ZFHX3: variants seen among roughly 807,000 people sequenced by gnomAD.
ZFHX3 encodes the protein zinc finger homeobox 3.
ZFHX3 carries 42 observed loss-of-function variants against 279.1 expected under a neutral mutation model. That is an observed-to-expected ratio of 0.15 (90% CI 0.12 to 0.19). ZFHX3 has a LOEUF of 0.19. Among genes scored for constraint, ZFHX3 ranks in the 10% least tolerant of loss-of-function variants. The pLI is 1.00. For missense variants in ZFHX3, 4,981 were observed against 4,754.0 expected (o/e 1.05, Z -1.40); for synonymous variants, 2,293 against 1,957.8 (o/e 1.17, Z -4.52).
chr16:73,527,953 A>G (rs2019723283), intron 2 of ZFHX3, among the ~76,000 whole-genome samples: 1 of 152,216 alleles, frequency 6.6e-6, no homozygotes, highest in Non-Finnish European at 1.5e-5. Flanking sequence ...GACATAATAG[A>G]TGCTTGTTGT....
intron 5 of ZFHX3, among the ~76,000 whole-genome samples, chr16:73,161,805 T>G (rs1967241669): frequency 6.6e-6 from 1 of 152,184 alleles, no homozygotes; most frequent in South Asian, 2.1e-4. Flanking sequence ...AATCCATAGG[T>G]GGCCTGTTGG....
At chr16:73,289,923 T>G (rs1249496002) in intron 4 of ZFHX3, among the ~76,000 whole-genome samples, 2 of 152,054 alleles carry the variant, frequency 1.3e-5, no homozygotes. Context: ...GATGCCCCCT[T>G]CAGGGGTGCT....
chr16:72,960,231 G>A (rs1046383529), intron 1 of ZFHX3, 37 bp from the exon 2 acceptor site: 16 of 1,458,874 alleles, frequency 1.1e-5, no homozygotes, highest in Admixed American at 2.3e-5. Context: ...AGGGAGAGAG[G>A]GGAAAGAGAG....
chr16:72,878,360 G>A (rs763942935), intron 4 of ZFHX3, among the ~76,000 whole-genome samples: 8 of 152,268 alleles, frequency 5.3e-5, no homozygotes, highest in East Asian at 1.9e-4. Flanking sequence ...TGCCAGTGCC[G>A]GTGACAGGCT....
intron 1 of ZFHX3, among the ~76,000 whole-genome samples, chr16:72,987,271 T>C (rs1412972336): frequency 6.6e-6 from 1 of 152,178 alleles, no homozygotes; most frequent in African/African-American, 2.4e-5. Flanking sequence ...TAAGAATATT[T>C]TACCTGTAAT....
At chr16:73,021,774 T>C (rs531505784) in intron 1 of ZFHX3, among the ~76,000 whole-genome samples, 1 of 138,498 alleles carries the variant, frequency 7.2e-6, no homozygotes, top group Non-Finnish European at 1.5e-5. Context: ...GAGGTTGCAG[T>C]GAGCCAAGAT....
In ZFHX3 at chr16:73,600,240, C is replaced by G. The variant is rs114051700; in HGVS notation, c.-1547+79940G>C. ...GAATGGACTGTTTCTAAAGAAGCAGCATCATCCCTTTCATCCCTGGGAAGA... is the reference window on the plus strand; with the variant it reads ...GAATGGACTGTTTCTAAAGAAGCAGGATCATCCCTTTCATCCCTGGGAAGA... On this transcript the variant is annotated intron_variant, in intron 2 of 17. Transcript: ENST00000641206. Among the ~76,000 whole-genome samples, 999 of 152,238 alleles carry G rather than the reference C, an allele frequency of 6.6e-3. 16 individuals carry two copies. Among genetic ancestry groups the G allele is most frequent in the African/African-American group, 0.023 (962 of 41,524 alleles).
intron 5 of ZFHX3, among the ~76,000 whole-genome samples, chr16:73,171,415 T>C (rs1264539711): frequency 6.8e-6 from 1 of 148,144 alleles, no homozygotes; most frequent in African/African-American, 2.5e-5. Context: ...GTGACTCTTG[T>C]GCCTTGGATA....
At chr16:73,151,559 A>T (rs553835089) in intron 5 of ZFHX3, among the ~76,000 whole-genome samples, 1 of 114,790 alleles carries the variant, frequency 8.7e-6, no homozygotes, top group South Asian at 2.7e-4. Flanking sequence ...TTGATTGGTG[A>T]TACCTGCCCG....
At chr16:73,612,205 A>T (rs75933863) in intron 2 of ZFHX3, among the ~76,000 whole-genome samples, 1 of 150,170 alleles carries the variant, frequency 6.7e-6, no homozygotes, top group African/African-American at 2.4e-5. Flanking sequence ...ACTTGCAATG[A>T]TTTTTTTTTT....
chr16:73,712,612 G>T (rs551319404), intron 1 of ZFHX3, among the ~76,000 whole-genome samples: 2 of 152,292 alleles, frequency 1.3e-5, no homozygotes, highest in Non-Finnish European at 2.9e-5. Flanking sequence ...GCAAGGGCAG[G>T]TGGCCATGTC....
intron 3 of ZFHX3, among the ~76,000 whole-genome samples, chr16:72,897,695 C>T (rs2038932951): frequency 6.6e-6 from 1 of 152,168 alleles, no homozygotes. Flanking sequence ...CCCACTTCAG[C>T]CTCCCAAAGT....
intron 1 of ZFHX3, among the ~76,000 whole-genome samples, chr16:73,855,005 T>C (rs1375859885): frequency 2.6e-5 from 4 of 152,104 alleles, no homozygotes; most frequent in Non-Finnish European, 5.9e-5. Context: ...TCTCCTAGTT[T>C]CTACAATCCC....
chr16:72,836,665 C>T (rs78012083), intron 4 of ZFHX3, among the ~76,000 whole-genome samples: 5,096 of 151,862 alleles, frequency 0.034, 610 homozygotes, highest in East Asian at 0.28. Flanking sequence ...AAAAAAAAAA[C>T]ACCAACCAAC....
At position 72,797,461 on chromosome 16, in the gene ZFHX3, G is replaced by C. The variant is rs375400095; in HGVS notation, c.5221C>G (p.Gln1741Glu). ...QQQQQQQQQQQAQTLAQAQAQ... is the reference protein window; with the variant it reads ...QQQQQQQQQQEAQTLAQAQAQ... ...TGGGCCTGGGCCAGCGTTTGTGCTT[G>C]TTGTTGTTGTTGTTGTTGTTGTTGT... Residue 1741 changes from glutamine (Q) to glutamate (E), a missense_variant, in exon 9 of 10, where the codon CAA becomes GAA. Physicochemically the swap from Gln to Glu is conservative, Grantham distance 29. Transcript: ENST00000268489. The C allele has an allele frequency of 6.9e-5, 97 of 1,409,502 alleles. No individual in the cohort carries two copies. The Middle Eastern group carries it at 1.2e-3, about 18-fold the overall frequency. The allele number at this position is 1,409,502 out of a possible 1,614,324, so 87.3% of individuals were successfully genotyped here.
chr16:72,944,736 C>T (rs1762027211), intron 3 of ZFHX3, among the ~76,000 whole-genome samples: 1 of 152,052 alleles, frequency 6.6e-6, no homozygotes. Flanking sequence ...TACTAGCTTA[C>T]ACTTGAGGTA....
intron 1 of ZFHX3, among the ~76,000 whole-genome samples, chr16:73,857,776 G>C (rs1961773539): frequency 6.6e-6 from 1 of 152,178 alleles, no homozygotes; most frequent in African/African-American, 2.4e-5. Flanking sequence ...GGCTGGTAGA[G>C]GCTGATCCTC....
chr16:73,388,994 G>A (rs1348203437), intron 3 of ZFHX3: 1 of 152,196 alleles, frequency 6.6e-6, no homozygotes, highest in Non-Finnish European at 1.5e-5. Flanking sequence ...GGCGTCCAGT[G>A]CTCTGTTTCT....
At chr16:73,667,961 T>C (rs1020102922) in intron 2 of ZFHX3, among the ~76,000 whole-genome samples, 2 of 152,228 alleles carry the variant, frequency 1.3e-5, no homozygotes, top group Non-Finnish European at 2.9e-5. Flanking sequence ...TTTGAATTCC[T>C]ACAGCACTTA....
Sources: gnomAD v4.1 joint callset for allele counts (sites outside exome capture counted in the v4.1 genomes callset) on GRCh38, gnomAD v4.1.1 for gene constraint, MANE v1.5 for transcripts, NCBI Gene and HGNC (gene_info 2026-07-23, HGNC 2026-07-21) for gene names.